ATOSA: variants seen among roughly 807,000 people sequenced by gnomAD.
ATOSA encodes atos homolog A.
At chr15:52,633,503 T>C in the ATOSA span, among the ~76,000 whole-genome samples, 4 of 151,876 alleles carry the variant, frequency 2.6e-5, no homozygotes, top group Non-Finnish European at 5.9e-5. Flanking sequence ...AGGCCAGCAG[T>C]CTCCCTAAAT....
chr15:52,631,087 G>C, the ATOSA span, among the ~76,000 whole-genome samples: 2 of 152,156 alleles, frequency 1.3e-5, no homozygotes, highest in African/African-American at 4.8e-5. Context: ...CAACTGCATG[G>C]GAGGTCATTT....
At chr15:52,600,730 T>C in the ATOSA span, among the ~76,000 whole-genome samples, 1 of 151,658 alleles carries the variant, frequency 6.6e-6, no homozygotes, top group Non-Finnish European at 1.5e-5. Context: ...AAGGGCAAAA[T>C]TGTGTGACTA....
chr15:52,603,458 C>T, the ATOSA span, among the ~76,000 whole-genome samples: 1 of 152,038 alleles, frequency 6.6e-6, no homozygotes, highest in East Asian at 1.9e-4. Context: ...ACTATATGAC[C>T]CAGCAATCCC....
the ATOSA span, among the ~76,000 whole-genome samples, chr15:52,671,543 C>T: frequency 6.6e-6 from 1 of 152,038 alleles, no homozygotes; most frequent in Non-Finnish European, 1.5e-5. Flanking sequence ...TTTCCGGACT[C>T]ACAAAACTTA....
chr15:52,675,472 T>C, the ATOSA span, among the ~76,000 whole-genome samples: 5 of 152,240 alleles, frequency 3.3e-5, no homozygotes, highest in African/African-American at 7.2e-5. Flanking sequence ...GAGGCTATTG[T>C]ATTTATTTAG....
chr15:52,609,015 C>T, the ATOSA span: 4 of 1,613,166 alleles, frequency 2.5e-6, no homozygotes, highest in African/African-American at 5.3e-5. Context: ...TTCCATTGCT[C>T]ATTTCTTGCT....
chr15:52,697,417 G>T, the ATOSA span, among the ~76,000 whole-genome samples: 2 of 152,180 alleles, frequency 1.3e-5, no homozygotes, highest in African/African-American at 4.8e-5. Context: ...AACACCTCAT[G>T]GAAGAACCTA....
the ATOSA span, among the ~76,000 whole-genome samples, chr15:52,626,217 T>C: frequency 6.6e-6 from 1 of 152,170 alleles, no homozygotes; most frequent in Admixed American, 6.5e-5. Context: ...TGAAACCCAT[T>C]GGTACTACAT....
At chr15:52,700,014 A>T in the ATOSA span, among the ~76,000 whole-genome samples, 1 of 152,186 alleles carries the variant, frequency 6.6e-6, no homozygotes, top group Non-Finnish European at 1.5e-5. Flanking sequence ...GTATGCCATG[A>T]ACTACTTTAT....
the ATOSA span, among the ~76,000 whole-genome samples, chr15:52,700,999 T>C: frequency 2.0e-5 from 3 of 152,276 alleles, no homozygotes; most frequent in Non-Finnish European, 2.9e-5. Flanking sequence ...AAAGTTAATG[T>C]AGAGAAACAA....
At chr15:52,630,034 G>A in the ATOSA span, among the ~76,000 whole-genome samples, 11 of 152,206 alleles carry the variant, frequency 7.2e-5, no homozygotes, top group East Asian at 2.1e-3. Context: ...TGGTGGTGGG[G>A]TACCTAAGGA....
chr15:52,683,815 T>C, the ATOSA span, among the ~76,000 whole-genome samples: 2 of 152,216 alleles, frequency 1.3e-5, no homozygotes, highest in African/African-American at 4.8e-5. Context: ...AGTTTCATTT[T>C]CCACCCAAAC....
the ATOSA span, among the ~76,000 whole-genome samples, chr15:52,582,849 G>C: frequency 6.6e-6 from 1 of 152,164 alleles, no homozygotes; most frequent in East Asian, 1.9e-4. Context: ...AATGAAAATG[G>C]CTATCAAAAC....
chr15:52,594,554 A>C, the ATOSA span, among the ~76,000 whole-genome samples: 1 of 152,210 alleles, frequency 6.6e-6, no homozygotes, highest in Admixed American at 6.5e-5. Flanking sequence ...TGTGTAGTCT[A>C]AATGTGAAAC....
At chr15:52,642,011 A>C in the ATOSA span, among the ~76,000 whole-genome samples, 1 of 152,236 alleles carries the variant, frequency 6.6e-6, no homozygotes, top group Non-Finnish European at 1.5e-5. Flanking sequence ...AGTTCAGCTG[A>C]TTCTCACACA....
At chr15:52,707,173 T>C in the ATOSA span, among the ~76,000 whole-genome samples, 3 of 152,352 alleles carry the variant, frequency 2.0e-5, no homozygotes, top group South Asian at 4.1e-4. Context: ...ATGGTAAACA[T>C]TGGTTTGAAC....
chr15:52,629,251 G>A, the ATOSA span, among the ~76,000 whole-genome samples: 2 of 152,082 alleles, frequency 1.3e-5, no homozygotes, highest in Non-Finnish European at 2.9e-5. Flanking sequence ...GGCAAGTAGA[G>A]ATTATACCCC....
At chr15:52,604,193 G>A in the ATOSA span, among the ~76,000 whole-genome samples, 47 of 152,304 alleles carry the variant, frequency 3.1e-4, no homozygotes, top group African/African-American at 1.0e-3. Context: ...AGGCGGAGGC[G>A]GGCGGATCAC....
the ATOSA span, among the ~76,000 whole-genome samples, chr15:52,682,390 C>G: frequency 6.6e-6 from 1 of 151,990 alleles, no homozygotes; most frequent in Non-Finnish European, 1.5e-5. Context: ...AGGGTAGATT[C>G]CAAATCCAGT....
Sources: gnomAD v4.1 joint callset for allele counts (sites outside exome capture counted in the v4.1 genomes callset) on GRCh38, gnomAD v4.1.1 for gene constraint, MANE v1.5 for transcripts, NCBI Gene and HGNC (gene_info 2026-07-23, HGNC 2026-07-21) for gene names.